Variants in LRP2 observed in about 807,000 individuals in gnomAD.
LRP2 encodes LDL receptor related protein 2.
In LRP2, 172 loss-of-function variants were observed where a neutral mutation model predicts 531.0. The observed-to-expected ratio is 0.32, with a 90% confidence interval of 0.29 to 0.37. The LOEUF (loss-of-function observed/expected upper bound fraction) is 0.37, where lower values mean the gene tolerates loss of function less well. LRP2 is among the 10% of genes least tolerant of loss of function. The pLI is 1.00. For synonymous variants in LRP2, 1,992 were observed against 2,027.6 expected (o/e 0.98, Z 0.47); for missense variants, 5,167 against 5,868.3 (o/e 0.88, Z 3.90).
At chr2:169,294,329 A>C in intron 5 of LRP2, 68 bp from the exon 6 acceptor site, 1 of 945,006 alleles carries the variant, frequency 1.1e-6, no homozygotes, top group Non-Finnish European at 1.8e-6. Context: ...TTTAATCTCA[A>C]AGGAAGAGCA....
intron 6 of LRP2, 38 bp downstream of exon 6, chr2:169,294,110 T>C (rs1424543311): frequency 1.4e-6 from 2 of 1,403,608 alleles, no homozygotes; most frequent in African/African-American, 2.8e-5. Flanking sequence ...AACAAAACAC[T>C]CCCAACAACA....
intron 43 of LRP2, among the ~76,000 whole-genome samples, chr2:169,202,102 C>T (rs1688222405): frequency 6.6e-6 from 1 of 152,094 alleles, no homozygotes; most frequent in African/African-American, 2.4e-5. Context: ...AATTTAAGCA[C>T]AAATCAAAGT....
intron 16 of LRP2, 128 bp from the exon 17 acceptor site, chr2:169,259,345 TAAAAAAA>T: frequency 1.2e-5 from 5 of 421,844 alleles, no homozygotes; most frequent in Admixed American, 3.8e-5. Context: ...TGGAATTCTT[TAAAAAAA>T]AAAAAAAAAA....
At chr2:169,224,517 T>A (rs1482724809) in intron 33 of LRP2, among the ~76,000 whole-genome samples, 1 of 152,214 alleles carries the variant, frequency 6.6e-6, no homozygotes, top group Non-Finnish European at 1.5e-5. Context: ...TCTGTTTTGC[T>A]GTTAGAAAAA....
At chr2:169,278,857 C>T (rs1184969464) in intron 12 of LRP2, among the ~76,000 whole-genome samples, 1 of 152,138 alleles carries the variant, frequency 6.6e-6, no homozygotes, top group African/African-American at 2.4e-5. Context: ...ATCGGTGTTG[C>T]TGGATTGATT....
chr2:169,288,213 A>T (rs913090364), intron 9 of LRP2, among the ~76,000 whole-genome samples: 3 of 152,138 alleles, frequency 2.0e-5, no homozygotes, highest in African/African-American at 7.2e-5. Context: ...GAGCACCAAA[A>T]ACTCACTGAG....
intron 4 of LRP2, 71 bp from the exon 5 acceptor site, chr2:169,294,781 A>T: frequency 1.0e-6 from 1 of 983,762 alleles, no homozygotes; most frequent in Non-Finnish European, 1.6e-6. Flanking sequence ...TTCCTTCAGC[A>T]AACATTTATT....
chr2:169,258,095 A>G (rs1022110384), intron 17 of LRP2, among the ~76,000 whole-genome samples: 2 of 152,120 alleles, frequency 1.3e-5, no homozygotes, highest in Non-Finnish European at 2.9e-5. Flanking sequence ...CAATAATAAC[A>G]TCAGTTTTAA....
chr2:169,143,975 C>T lies in LRP2; in HGVS notation c.12989-1182G>A, dbSNP rs570534405. ...CTGTCTCATTACCATTTCGTCGGCC[C>T]TCCAGAGTGGAGATTTTCAAACTTG... On this transcript the variant is annotated intron_variant, in intron 70 of 78. Coordinates refer to ENST00000649046, the MANE Select transcript of LRP2 (RefSeq NM_004525.3). Among the ~76,000 whole-genome samples the T allele has an allele frequency of 3.2e-4, 49 of 152,332 alleles. 1 individual carries two copies. The highest frequency in any genetic ancestry group is 3.4e-3 in the Middle Eastern group (1 of 294).
chr2:169,231,682 T>A (rs1481832225), intron 31 of LRP2, 32 bp downstream of exon 31: 1 of 1,613,012 alleles, frequency 6.2e-7, no homozygotes, highest in East Asian at 2.2e-5. Context: ...ACCAGCTCCA[T>A]CTTCAGAGCT....
At chr2:169,362,289 G>A (rs781031982) in intron 1 of LRP2, 32 bp downstream of exon 1, 2 of 1,523,152 alleles carry the variant, frequency 1.3e-6, no homozygotes, top group Non-Finnish European at 1.8e-6. Context: ...GGGAAGTGGG[G>A]GCTCCACGAG....
intron 24 of LRP2, among the ~76,000 whole-genome samples, chr2:169,242,093 T>C (rs533832209): frequency 1.3e-5 from 2 of 152,362 alleles, no homozygotes; most frequent in Non-Finnish European, 1.5e-5. Context: ...TTGTGCAAAC[T>C]ATAAAGTATA....
Position 169,238,167 on chromosome 2 carries a change from C to G in LRP2, c.4430G>C (p.Ser1477Thr). The part of the protein sequence containing the change: ...YIVAVDFDSI[S>T]GRIFWSDATQ... The stretch of plus-strand genomic sequence containing the variant: ...TGCATCAGACCAAAAGATACGACCA[C>G]TAATTGAATCAAAATCAACAGCTAC... The change falls in exon 27 of 79, where the codon AGT (serine) becomes ACT (threonine). Residue 1477 changes from serine (S) to threonine (T), a missense_variant. By Grantham distance (58) the Ser-to-Thr change is moderately conservative (BLOSUM62 1). Coordinates refer to ENST00000649046, the MANE Select transcript of LRP2 (RefSeq NM_004525.3). 1 of 1,614,168 alleles carries G rather than the reference C, an allele frequency of 6.2e-7. No homozygotes were observed. The highest frequency in any genetic ancestry group is 8.5e-7 in the Non-Finnish European group (1 of 1,180,000).
chr2:169,289,445 A>G (rs1364566601), intron 8 of LRP2, among the ~76,000 whole-genome samples: 2 of 152,254 alleles, frequency 1.3e-5, no homozygotes, highest in South Asian at 2.1e-4. Flanking sequence ...TAATCTCAGC[A>G]CTTTGGGAGG....
At chr2:169,197,152 G>A in intron 45 of LRP2, 122 bp from the exon 46 acceptor site, 1 of 1,168,238 alleles carries the variant, frequency 8.6e-7, no homozygotes, top group Non-Finnish European at 1.2e-6. Flanking sequence ...ACTGAGCCTG[G>A]AAAATGGATG....
chr2:169,166,937 C>T (rs1686808752), intron 61 of LRP2, among the ~76,000 whole-genome samples: 1 of 152,100 alleles, frequency 6.6e-6, no homozygotes. Flanking sequence ...AGAGGAGAGA[C>T]TTATAATAAG....
Position 169,244,862 on chromosome 2 carries a change from G to C in LRP2, c.3261C>G (p.Asp1087Glu). ...GECIPAHWRC[D>E]KRNDCVDGSD... ...TGCCATCCACACAGTCGTTGCGTTT[G>C]TCACAGCGCCAGTGTGCAGGAATGC... The change falls in exon 22 of 79, where the codon GAC (aspartate) becomes GAG (glutamate). Residue 1087 changes from aspartate (D) to glutamate (E), a missense_variant. Transcript: ENST00000649046. 1 of 1,614,256 alleles carries C rather than the reference G, an allele frequency of 6.2e-7. No homozygotes were observed. Among genetic ancestry groups the C allele is most frequent in the Non-Finnish European group, 8.5e-7 (1 of 1,180,032 alleles).
At chr2:169,191,373 G>A (rs548831930) in intron 48 of LRP2, among the ~76,000 whole-genome samples, 2 of 152,256 alleles carry the variant, frequency 1.3e-5, no homozygotes, top group Admixed American at 1.3e-4. Flanking sequence ...TACTCCAAGT[G>A]GAAAACTAAG....
intron 47 of LRP2, 79 bp downstream of exon 47, chr2:169,193,682 C>G: frequency 6.4e-7 from 1 of 1,570,772 alleles, no homozygotes; most frequent in Non-Finnish European, 8.8e-7. Flanking sequence ...TGCAATCATA[C>G]TCTCCAAACA....
Sources: gnomAD v4.1 joint callset for allele counts (sites outside exome capture counted in the v4.1 genomes callset) on GRCh38, gnomAD v4.1.1 for gene constraint, MANE v1.5 for transcripts, NCBI Gene and HGNC (gene_info 2026-07-23, HGNC 2026-07-21) for gene names.